GRM7: variants seen among roughly 807,000 people sequenced by gnomAD.
The protein encoded by GRM7 is metabotropic glutamate receptor 7.
GRM7 carries 35 observed loss-of-function variants against 84.5 expected under a neutral mutation model. The observed-to-expected ratio is 0.41, with a 90% CI of 0.32 to 0.55. The LOEUF is 0.55. Among genes scored for constraint, GRM7 ranks in the 20% least tolerant of loss-of-function variants. The probability of loss-of-function intolerance (pLI) is 0.19; values close to 1 mark genes in which losing one functional copy is unlikely to be tolerated. For synonymous variants in GRM7, 487 were observed against 455.1 expected, an observed-to-expected ratio of 1.07 and a Z score of -0.89; for missense variants, 1,003 against 1,194.6, an observed-to-expected ratio of 0.84 and a Z score of 2.36.
intron 1 of GRM7, chr3:6,894,149 A>G (rs1323195969): frequency 6.6e-6 from 1 of 152,166 alleles, no homozygotes; most frequent in Non-Finnish European, 1.5e-5. Flanking sequence ...GGAAATTTCA[A>G]TAGCAGATAG....
intron 8 of GRM7, among the ~76,000 whole-genome samples, chr3:7,595,127 G>T (rs530789889): frequency 6.6e-6 from 1 of 152,264 alleles, no homozygotes; most frequent in East Asian, 1.9e-4. Context: ...TCTAGGCCTT[G>T]GGGACAGTGA....
At chr3:7,715,356 C>T (rs985043101) in intron 9 of GRM7, among the ~76,000 whole-genome samples, 1 of 151,986 alleles carries the variant, frequency 6.6e-6, no homozygotes, top group Non-Finnish European at 1.5e-5. Context: ...GCCTGTAGTC[C>T]CAACTACTTA....
chr3:7,245,034 CAT>C (rs1239053694), intron 2 of GRM7, among the ~76,000 whole-genome samples: 3 of 151,804 alleles, frequency 2.0e-5, no homozygotes, highest in African/African-American at 7.3e-5. Flanking sequence ...TATTTAATGT[CAT>C]AAATTTATTA....
chr3:7,589,924 G>A (rs1695698436), intron 8 of GRM7, among the ~76,000 whole-genome samples: 1 of 151,436 alleles, frequency 6.6e-6, no homozygotes, highest in Admixed American at 6.6e-5. Context: ...AACCAACAGT[G>A]ATTTTTTTGA....
chr3:7,652,047 CAATCCTGAAGG>C (rs780820427), intron 8 of GRM7, among the ~76,000 whole-genome samples: 60 of 152,326 alleles, frequency 3.9e-4, no homozygotes, highest in Admixed American at 6.5e-4. Context: ...ATGGAACATT[CAATCCTGAAGG>C]GTAGTCCATT....
intron 7 of GRM7, among the ~76,000 whole-genome samples, chr3:7,506,333 C>T (rs1700038740): frequency 6.6e-6 from 1 of 152,142 alleles, no homozygotes; most frequent in African/African-American, 2.4e-5. Flanking sequence ...TCTCTAAGGT[C>T]CAGACATTCC....
At chr3:6,965,153 G>C (rs1260786454) in intron 1 of GRM7, among the ~76,000 whole-genome samples, 1 of 152,080 alleles carries the variant, frequency 6.6e-6, no homozygotes, top group Non-Finnish European at 1.5e-5. Context: ...GTGGGAGAGA[G>C]CCTGCCACTT....
intron 1 of GRM7, among the ~76,000 whole-genome samples, chr3:6,995,442 A>T (rs1335736150): frequency 6.6e-6 from 1 of 152,124 alleles, no homozygotes; most frequent in African/African-American, 2.4e-5. Context: ...CCTGTTTTAA[A>T]CCTCTGAGGT....
intron 1 of GRM7, among the ~76,000 whole-genome samples, chr3:6,945,271 TCTC>T (rs1698027793): frequency 6.6e-6 from 1 of 151,322 alleles, no homozygotes. Flanking sequence ...GTCCATGTGT[TCTC>T]ATTGTTCAAT....
At chr3:7,284,740 A>C (rs1699370864) in intron 2 of GRM7, among the ~76,000 whole-genome samples, 1 of 152,012 alleles carries the variant, frequency 6.6e-6, no homozygotes, top group Non-Finnish European at 1.5e-5. Flanking sequence ...TCCTATGTTC[A>C]TTTATATAAC....
intron 3 of GRM7, among the ~76,000 whole-genome samples, chr3:7,299,569 G>A (rs1475749643): frequency 6.6e-6 from 1 of 152,046 alleles, no homozygotes; most frequent in Admixed American, 6.5e-5. Context: ...TTCTCTCCAG[G>A]TACAATAACT....
intron 8 of GRM7, among the ~76,000 whole-genome samples, chr3:7,618,902 T>C (rs911749709): frequency 2.6e-5 from 4 of 152,122 alleles, no homozygotes; most frequent in African/African-American, 9.7e-5. Context: ...GTTAGAAGAA[T>C]GTAAATATTT....
At chr3:7,433,618 A>G (rs964780474) in intron 5 of GRM7, among the ~76,000 whole-genome samples, 5 of 152,246 alleles carry the variant, frequency 3.3e-5, no homozygotes, top group African/African-American at 1.2e-4. Flanking sequence ...TGATTGAAGC[A>G]TAAGTAATTC....
intron 2 of GRM7, among the ~76,000 whole-genome samples, chr3:7,216,102 T>C (rs1411610825): frequency 1.3e-5 from 2 of 152,240 alleles, no homozygotes; most frequent in African/African-American, 4.8e-5. Context: ...CCAGCTCTGA[T>C]TCTATTTTTA....
chr3:7,063,669 C>T (rs188777596), intron 1 of GRM7, among the ~76,000 whole-genome samples: 22 of 151,830 alleles, frequency 1.4e-4, no homozygotes, highest in Non-Finnish European at 2.4e-4. Flanking sequence ...CTAACACATA[C>T]ACCAACTGGA....
intron 5 of GRM7, among the ~76,000 whole-genome samples, chr3:7,444,691 T>A (rs1697430842): frequency 6.6e-6 from 1 of 152,080 alleles, no homozygotes; most frequent in African/African-American, 2.4e-5. Context: ...CCTAAACATA[T>A]CCCCACCATC....
intron 1 of GRM7, among the ~76,000 whole-genome samples, chr3:6,874,868 C>G (rs889190913): frequency 4.6e-5 from 7 of 152,190 alleles, no homozygotes; most frequent in South Asian, 2.1e-4. Flanking sequence ...CCTGAATCAA[C>G]TAATATTTTA....
chr3:6,901,636 A>AAAAT (rs1559317776), intron 1 of GRM7, among the ~76,000 whole-genome samples: 1 of 140,370 alleles, frequency 7.1e-6, no homozygotes, highest in African/African-American at 3.0e-5. Context: ...AAAAAAAAAA[A>AAAAT]ATATGTAGAA....
intron 1 of GRM7, among the ~76,000 whole-genome samples, chr3:7,004,238 T>A (rs1369316504): frequency 1.3e-5 from 2 of 152,164 alleles, no homozygotes; most frequent in Non-Finnish European, 2.9e-5. Flanking sequence ...GTGAGAATAA[T>A]TTGGACCCAT....
Sources: gnomAD v4.1 joint callset for allele counts (sites outside exome capture counted in the v4.1 genomes callset) on GRCh38, gnomAD v4.1.1 for gene constraint, MANE v1.5 for transcripts, NCBI Gene and HGNC (gene_info 2026-07-23, HGNC 2026-07-21) for gene names.